EPDR1: variants seen among roughly 807,000 people sequenced by gnomAD.
EPDR1 encodes mammalian ependymin-related protein 1.
EPDR1 carries 27 observed loss-of-function variants against 23.7 expected under a neutral mutation model. The ratio of observed to expected loss-of-function variants is 1.14; its 90% CI spans 0.84 to 1.57. EPDR1 has a LOEUF of 1.57. Among genes scored for constraint, EPDR1 ranks in the 40% most tolerant of loss-of-function variants. EPDR1 has a pLI of 0.00. For synonymous variants in EPDR1, 137 were observed against 118.2 expected (o/e 1.16, Z -1.03); for missense variants, 349 against 290.4 (o/e 1.20, Z -1.47).
rs1055255886 is a variant in EPDR1, at chr7:37,949,003, C to A, written c.433C>A (p.Gln145Lys). Residue 145 changes from glutamine (Q) to lysine (K), a missense_variant, in exon 2 of 3, where the codon CAG becomes AAG. Coordinates refer to ENST00000199448, the MANE Select transcript of EPDR1 (RefSeq NM_017549.5). Reference sequence around the variant, plus strand: ...GTACTCCATCGGGGGGCCTCAGGAGCAGATCACCGTCCAGGAGTGGTCGGA... The same window carrying A: ...GTACTCCATCGGGGGGCCTCAGGAGAAGATCACCGTCCAGGAGTGGTCGGA... ...DQYSIGGPQEQITVQEWSDRK... is the reference protein window; with the variant it reads ...DQYSIGGPQEKITVQEWSDRK... 4.3e-6 allele frequency: 7 copies of A among 1,614,028 alleles called. No individual in the cohort carries two copies. The Admixed American group carries it at 1.0e-4, about 23-fold the overall frequency.
At chr7:37,943,966 C>G (rs1239496124) in intron 1 of EPDR1, among the ~76,000 whole-genome samples, 2 of 152,220 alleles carry the variant, frequency 1.3e-5, no homozygotes. Flanking sequence ...TGATGCCACA[C>G]AGGGCCATGC....
intron 1 of EPDR1, among the ~76,000 whole-genome samples, chr7:37,940,529 A>G (rs1184167269): frequency 1.3e-5 from 2 of 152,174 alleles, no homozygotes; most frequent in Admixed American, 1.3e-4. Context: ...TTTTGACACA[A>G]TACTGACTCT....
At chr7:37,928,833 C>T (rs1256622583) in intron 1 of EPDR1, among the ~76,000 whole-genome samples, 1 of 152,106 alleles carries the variant, frequency 6.6e-6, no homozygotes, top group East Asian at 1.9e-4. Context: ...TCTGACCATA[C>T]CTCTACTGTT....
intron 1 of EPDR1, among the ~76,000 whole-genome samples, chr7:37,930,946 G>A (rs925859158): frequency 2.0e-5 from 3 of 152,126 alleles, no homozygotes; most frequent in Non-Finnish European, 1.5e-5. Flanking sequence ...CTGTTTTAGA[G>A]AAACAAGCCA....
chr7:37,922,983 G>T (rs1453341724), intron 1 of EPDR1, among the ~76,000 whole-genome samples: 1 of 152,166 alleles, frequency 6.6e-6, no homozygotes, highest in Non-Finnish European at 1.5e-5. Flanking sequence ...CCAGGGGGAT[G>T]CAGGTGTATC....
intron 1 of EPDR1, among the ~76,000 whole-genome samples, chr7:37,944,152 G>A (rs551104455): frequency 6.6e-6 from 1 of 152,336 alleles, no homozygotes; most frequent in East Asian, 1.9e-4. Flanking sequence ...GTAAGCGGGG[G>A]TGCTCCAAGC....
At position 37,951,064 on chromosome 7, in the gene EPDR1, T is replaced by C. The variant is rs1007483338; in HGVS notation, c.*668T>C. On this transcript the variant is annotated 3_prime_UTR_variant, in exon 3 of 3. Coordinates refer to ENST00000199448, the MANE Select transcript of EPDR1 (RefSeq NM_017549.5). ...TAAAGAAACATTTTGAGCAAGGCAG[T>C]TTAGAGAATCCTAATGTCTACACTG... 1 of 152,230 alleles carries C rather than the reference T, an allele frequency of 6.6e-6. No individual in the cohort carries two copies. The highest frequency in any genetic ancestry group is 6.5e-5 in the Admixed American group (1 of 15,288). 9.4% of individuals were successfully genotyped at this position (152,230 alleles called of 1,614,324 possible). A position where few individuals can be genotyped will look rare whatever the true frequency, so the allele number is the denominator to read the frequency against.
rs1786386312 is a variant in EPDR1 at position 37,950,679 on chromosome 7, A to T, written c.*283A>T. On this transcript the variant is annotated 3_prime_UTR_variant, in exon 3 of 3. Coordinates refer to ENST00000199448, the MANE Select transcript of EPDR1 (RefSeq NM_017549.5). Reference sequence around the variant, plus strand: ...TGTTCAGGGCTGGTTTTCTGCATGCACGGGTATACACATAATGCAGTGCCA... The same window carrying T: ...TGTTCAGGGCTGGTTTTCTGCATGCTCGGGTATACACATAATGCAGTGCCA... 1 of 379,068 alleles carries T rather than the reference A, an allele frequency of 2.6e-6. No individual in the cohort carries two copies. Among genetic ancestry groups the T allele is most frequent in the African/African-American group, 2.0e-5 (1 of 50,034 alleles). 23.5% of individuals were successfully genotyped at this position (379,068 alleles called of 1,614,324 possible).
intron 1 of EPDR1, 51 bp downstream of exon 1, chr7:37,921,259 G>T (rs745930026): frequency 2.6e-6 from 4 of 1,532,422 alleles, no homozygotes; most frequent in Non-Finnish European, 3.5e-6. Flanking sequence ...GCGGGCATGG[G>T]GAGGGCGAGG....
rs767667698 is a variant in EPDR1, at chr7:37,921,057, C to A, written c.118C>A (p.Arg40Ser). The change falls in exon 1 of 3, where the codon CGC becomes AGC. Residue 40 changes from arginine to serine, a missense_variant. Physicochemically the swap from Arg to Ser is moderately radical, Grantham distance 110. Transcript: ENST00000199448. ...CAGCCTGGGGGCGGTGGGAGCCCCG[C>A]GCCCGTGCCAGGCGCCGCAGCAGTG... Reference protein sequence around the residue: ...LCSLGAVGAPRPCQAPQQWEG... With the variant: ...LCSLGAVGAPSPCQAPQQWEG... The A allele has an allele frequency of 9.1e-6, 14 of 1,546,504 alleles. No homozygotes were observed. Among genetic ancestry groups the A allele is most frequent in the Non-Finnish European group, 1.1e-5 (13 of 1,152,170 alleles).
chr7:37,927,173 G>T (rs538215189), intron 1 of EPDR1, among the ~76,000 whole-genome samples: 1 of 152,316 alleles, frequency 6.6e-6, no homozygotes, highest in East Asian at 1.9e-4. Context: ...CATGCTCAGT[G>T]CTATCAGGTG....
intron 1 of EPDR1, among the ~76,000 whole-genome samples, chr7:37,932,719 C>G (rs1184908824): frequency 3.3e-5 from 5 of 152,148 alleles, no homozygotes; most frequent in Non-Finnish European, 7.4e-5. Flanking sequence ...CACTGAGCAC[C>G]ATGGCAACCT....
chr7:37,921,853 A>G (rs1338074612), intron 1 of EPDR1, among the ~76,000 whole-genome samples: 3 of 152,072 alleles, frequency 2.0e-5, no homozygotes. Flanking sequence ...TTAACTTAAC[A>G]TTGTCCCTTA....
chr7:37,921,842 T>C (rs1785711875), intron 1 of EPDR1, among the ~76,000 whole-genome samples: 2 of 152,248 alleles, frequency 1.3e-5, no homozygotes, highest in South Asian at 2.1e-4. Context: ...TGAATCTTTT[T>C]TTAACTTAAC....
intron 1 of EPDR1, among the ~76,000 whole-genome samples, chr7:37,943,706 C>G (rs571237333): frequency 4.6e-5 from 7 of 152,278 alleles, no homozygotes; most frequent in African/African-American, 1.7e-4. Context: ...TTTAAAAAAG[C>G]AAATATTTTG....
At chr7:37,950,113 T>G in intron 2 of EPDR1, 87 bp from the exon 3 acceptor site, 1 of 962,792 alleles carries the variant, frequency 1.0e-6, no homozygotes, top group Non-Finnish European at 1.5e-6. Context: ...GTAAATTTTA[T>G]GTTATGTACA....
chr7:37,941,552 C>A (rs1029666727), intron 1 of EPDR1, among the ~76,000 whole-genome samples: 6 of 152,186 alleles, frequency 3.9e-5, no homozygotes, highest in African/African-American at 1.4e-4. Context: ...ATATCCATTT[C>A]ATAAGAATGA....
intron 1 of EPDR1, 104 bp from the exon 2 acceptor site, chr7:37,948,732 ATTTC>A (rs1260152418): frequency 1.0e-5 from 8 of 796,430 alleles, no homozygotes; most frequent in Non-Finnish European, 1.6e-5. Flanking sequence ...CTAGCTAGTA[ATTTC>A]TTTCTATTTT....
At chr7:37,949,852 C>A (rs934462198) in intron 2 of EPDR1, among the ~76,000 whole-genome samples, 40 of 152,198 alleles carry the variant, frequency 2.6e-4, no homozygotes, top group African/African-American at 9.4e-4. Context: ...TTAAGAGAAA[C>A]AATGCAGGCA....
Sources: gnomAD v4.1 joint callset for allele counts (sites outside exome capture counted in the v4.1 genomes callset) on GRCh38, gnomAD v4.1.1 for gene constraint, MANE v1.5 for transcripts, NCBI Gene and HGNC (gene_info 2026-07-23, HGNC 2026-07-21) for gene names.